COPG2: variants seen among roughly 807,000 people sequenced by gnomAD.
The protein encoded by COPG2 is coat protein complex I subunit gamma 2.
Under a neutral mutation model 46.3 loss-of-function variants are expected in COPG2, and 37 were observed. That is an observed-to-expected ratio of 0.80 (90% CI 0.61 to 1.05). The LOEUF (loss-of-function observed/expected upper bound fraction) is 1.05, where lower values mean the gene tolerates loss of function less well. Among genes scored for constraint, COPG2 ranks in the 50% least tolerant of loss-of-function variants. The pLI is 0.00. For synonymous variants in COPG2, 159 were observed against 129.7 expected (o/e 1.23, Z -1.53); for missense variants, 427 against 387.8 (o/e 1.10, Z -0.85).
intron 20 of COPG2, chr7:130,547,001 G>T (rs1793454505): frequency 1.3e-5 from 2 of 152,128 alleles, no homozygotes; most frequent in Non-Finnish European, 2.9e-5. Context: ...ATGATGATGG[G>T]GGGAATCAAG....
intron 9 of COPG2, among the ~76,000 whole-genome samples, chr7:130,576,908 C>A (rs1794008444): frequency 1.3e-5 from 2 of 152,114 alleles, no homozygotes; most frequent in Admixed American, 6.6e-5. Flanking sequence ...CAAATAACTT[C>A]ATTAAGAAAC....
intron 15 of COPG2, 80 bp from the exon 16 acceptor site, chr7:130,551,424 A>G (rs916940481): frequency 5.0e-6 from 2 of 396,334 alleles, no homozygotes; most frequent in Admixed American, 4.4e-5. Context: ...TAAAGGACAC[A>G]GCTCAGGTCG....
intron 5 of COPG2, among the ~76,000 whole-genome samples, chr7:130,623,415 G>A (rs555089855): frequency 1.5e-4 from 23 of 152,104 alleles, no homozygotes; most frequent in Admixed American, 1.0e-3. Context: ...TTTATTCCAC[G>A]GTCTGTTAGT....
At chr7:130,526,944 G>C (rs1211134666) in intron 20 of COPG2, among the ~76,000 whole-genome samples, 1 of 49,780 alleles carries the variant, frequency 2.0e-5, no homozygotes, top group East Asian at 8.8e-4. Flanking sequence ...GTGGGGGTGG[G>C]AATGGGGGTG....
intron 5 of COPG2, among the ~76,000 whole-genome samples, chr7:130,619,103 T>C (rs1483780454): frequency 2.0e-5 from 3 of 152,192 alleles, no homozygotes; most frequent in African/African-American, 7.2e-5. Flanking sequence ...TACATCTCTA[T>C]TTTTAGTACT....
At chr7:130,643,966 C>T (rs782533961) in intron 5 of COPG2, among the ~76,000 whole-genome samples, 5 of 152,114 alleles carry the variant, frequency 3.3e-5, no homozygotes, top group Non-Finnish European at 7.4e-5. Flanking sequence ...GAGACCCTAT[C>T]TCAGAAAAAT....
chr7:130,575,525 GCCA>G (rs1345894042), intron 9 of COPG2, among the ~76,000 whole-genome samples: 2 of 151,990 alleles, frequency 1.3e-5, no homozygotes, highest in Non-Finnish European at 2.9e-5. Flanking sequence ...CCACTACCAA[GCCA>G]CCACCACAAG....
intron 9 of COPG2, among the ~76,000 whole-genome samples, chr7:130,568,545 C>A (rs914312469): frequency 1.6e-4 from 24 of 152,176 alleles, no homozygotes; most frequent in Admixed American, 1.3e-3. Context: ...AACACTGGAG[C>A]TCCCAAATTT....
intron 5 of COPG2, among the ~76,000 whole-genome samples, chr7:130,652,429 G>C (rs1795765734): frequency 1.3e-5 from 2 of 152,132 alleles, no homozygotes; most frequent in South Asian, 2.1e-4. Flanking sequence ...CCTCATTCTT[G>C]AATTTTTAAT....
rs1793522498 is a variant in COPG2, at chr7:130,550,548, C to T, written c.1750G>A (p.Ala584Thr). ...CCTGCTTTCTGTTCAAAGACAGGAG[C>T]CATAGCAAGAGGAATTGATTTCATG... ...FDMKSIPLAM[A>T]PVFEQKAEIT... The change falls in exon 17 of 24, where the codon GCT becomes ACT. Residue 584 changes from alanine to threonine, a missense_variant. Transcript: ENST00000425248. 2.5e-6 allele frequency: 1 copy of T among 397,882 alleles called. No individual in the cohort carries two copies. Among genetic ancestry groups the T allele is most frequent in the African/African-American group, 2.1e-5 (1 of 48,518 alleles). The allele number at this position is 397,882 out of a possible 1,614,324, so 24.6% of individuals were successfully genotyped here.
intron 3 of COPG2, 90 bp from the exon 4 acceptor site, chr7:130,663,128 A>G: frequency 1.5e-6 from 1 of 686,808 alleles, no homozygotes; most frequent in Non-Finnish European, 2.3e-6. Flanking sequence ...CTATTTCTGC[A>G]AAAATCCTTT....
At chr7:130,543,927 T>C (rs1288433252) in intron 20 of COPG2, among the ~76,000 whole-genome samples, 1 of 152,090 alleles carries the variant, frequency 6.6e-6, no homozygotes, top group Non-Finnish European at 1.5e-5. Context: ...AATGGCAGAC[T>C]GGGTATGTGA....
At chr7:130,640,158 CTTTTTT>C (rs11431866) in intron 5 of COPG2, among the ~76,000 whole-genome samples, 1 of 96,498 alleles carries the variant, frequency 1.0e-5, no homozygotes, top group Non-Finnish European at 2.0e-5. Flanking sequence ...CACCACCAAC[CTTTTTT>C]TTTTTTTTTT....
chr7:130,636,883 G>A (rs1197789446), intron 5 of COPG2, among the ~76,000 whole-genome samples: 1 of 151,958 alleles, frequency 6.6e-6, no homozygotes, highest in African/African-American at 2.4e-5. Context: ...TCCATATTTA[G>A]TGCTCCTTTC....
At chr7:130,579,926 G>C (rs1794099286) in intron 9 of COPG2, among the ~76,000 whole-genome samples, 1 of 151,810 alleles carries the variant, frequency 6.6e-6, no homozygotes, top group Non-Finnish European at 1.5e-5. Flanking sequence ...GTCAACATTA[G>C]ACAGATCAAC....
chr7:130,557,033 A>AAC (rs1793637957), intron 12 of COPG2, among the ~76,000 whole-genome samples: 1 of 152,200 alleles, frequency 6.6e-6, no homozygotes, highest in Non-Finnish European at 1.5e-5. Context: ...GATAAGGGAA[A>AAC]ACAAAGAAAC....
intron 2 of COPG2, among the ~76,000 whole-genome samples, 169 bp downstream of exon 2, chr7:130,667,313 A>G (rs1393889640): frequency 6.6e-6 from 1 of 152,180 alleles, no homozygotes; most frequent in East Asian, 1.9e-4. Flanking sequence ...TAAGCTCCAA[A>G]TTCTCCTGTG....
intron 20 of COPG2, among the ~76,000 whole-genome samples, chr7:130,530,727 C>A (rs1339887526): frequency 1.3e-5 from 2 of 151,976 alleles, no homozygotes; most frequent in East Asian, 3.9e-4. Context: ...GGAAGTGGGA[C>A]GATGAGGCAG....
chr7:130,642,210 T>C (rs1457525772), intron 5 of COPG2, among the ~76,000 whole-genome samples: 1 of 151,366 alleles, frequency 6.6e-6, no homozygotes, highest in Non-Finnish European at 1.5e-5. Flanking sequence ...AGGTTGTCAA[T>C]ATACATTTAG....
Sources: allele counts gnomAD v4.1 joint callset (sites outside exome capture counted in the v4.1 genomes callset), GRCh38; gene constraint gnomAD v4.1.1; transcripts MANE v1.5; gene names NCBI Gene and HGNC (gene_info 2026-07-23, HGNC 2026-07-21).